Variants in MYO3A observed in about 807,000 individuals in gnomAD.
The protein encoded by MYO3A is myosin IIIA.
Under a neutral mutation model 192.7 loss-of-function variants are expected in MYO3A, and 180 were observed. The observed-to-expected ratio is 0.93, with a 90% confidence interval of 0.83 to 1.06. The LOEUF (loss-of-function observed/expected upper bound fraction) is 1.06. Ranked by LOEUF, MYO3A falls within the 50% of genes least tolerant of loss-of-function variation. The probability of loss-of-function intolerance (pLI) is 0.00; values close to 1 mark genes in which losing one functional copy is unlikely to be tolerated. For synonymous variants in MYO3A, 628 were observed against 645.3 expected (o/e 0.97, Z 0.41); for missense variants, 1,896 against 1,905.0 (o/e 1.00, Z 0.09).
intron 4 of MYO3A, among the ~76,000 whole-genome samples, chr10:25,987,503 A>G (rs1839726725): frequency 6.6e-6 from 1 of 152,204 alleles, no homozygotes; most frequent in Non-Finnish European, 1.5e-5. Flanking sequence ...AAGAACTCAA[A>G]CAAATCAGCA....
At chr10:26,134,206 T>G (rs1426153742) in intron 20 of MYO3A, among the ~76,000 whole-genome samples, 1 of 152,144 alleles carries the variant, frequency 6.6e-6, no homozygotes, top group Non-Finnish European at 1.5e-5. Context: ...TTTAGTAAAA[T>G]GGATGTAAAA....
chr10:26,008,712 A>G (rs937493989), intron 6 of MYO3A, among the ~76,000 whole-genome samples: 1 of 145,306 alleles, frequency 6.9e-6, no homozygotes, highest in Non-Finnish European at 1.5e-5. Flanking sequence ...GGCAATTGTT[A>G]AAAAGTCAGG....
intron 10 of MYO3A, among the ~76,000 whole-genome samples, chr10:26,050,721 G>A (rs1021193478): frequency 2.0e-5 from 3 of 152,142 alleles, no homozygotes; most frequent in African/African-American, 7.2e-5. Context: ...CATTTACAGC[G>A]TAAACACGCA....
intron 11 of MYO3A, among the ~76,000 whole-genome samples, chr10:26,067,745 T>G (rs1193917290): frequency 1.3e-5 from 2 of 152,210 alleles, no homozygotes; most frequent in African/African-American, 4.8e-5. Flanking sequence ...CCCCTCACCC[T>G]TCTTTGTTCC....
At chr10:26,176,632 C>A (rs1434505199) in intron 30 of MYO3A, 69 bp from the exon 31 acceptor site, 2 of 1,434,660 alleles carry the variant, frequency 1.4e-6, no homozygotes, top group African/African-American at 2.8e-5. Context: ...CGTTTCCCAG[C>A]CCCCGGTGCC....
intron 17 of MYO3A, among the ~76,000 whole-genome samples, chr10:26,117,348 G>T (rs916770220): frequency 7.2e-5 from 11 of 152,118 alleles, no homozygotes. Context: ...TAAGTTCAGG[G>T]TACATGTGCA....
intron 26 of MYO3A, chr10:26,165,730 CT>C: frequency 2.8e-6 from 1 of 353,048 alleles, no homozygotes; most frequent in Admixed American, 4.4e-5. Flanking sequence ...CAGTCCTGCA[CT>C]TTTTAGTGTC....
intron 18 of MYO3A, among the ~76,000 whole-genome samples, chr10:26,121,727 G>C (rs1238693977): frequency 6.6e-6 from 1 of 152,190 alleles, no homozygotes; most frequent in African/African-American, 2.4e-5. Context: ...CTCCAGCCTG[G>C]ACGACGGAGC....
Position 26,036,024 on chromosome 10 carries a change from C to T in MYO3A, c.953+9492C>T, listed in dbSNP as rs543277762. On this transcript the variant is annotated intron_variant, in intron 10 of 34. Transcript: ENST00000642920. ...TCTTGGCTCACTGCAAGTTCTGCCT[C>T]CCGGGTTCACACCATTCTCCTGCCT... Among the ~76,000 whole-genome samples the T allele has an allele frequency of 3.9e-5, 6 of 152,068 alleles. No individual in the cohort carries two copies. The East Asian group carries it at 1.2e-3, about 29-fold the overall frequency.
At position 26,212,087 on chromosome 10, in the gene MYO3A, G is replaced by C. The variant is rs1589132470; in HGVS notation, c.*124G>C. The stretch of plus-strand genomic sequence containing the variant: ...AGCTGCGGCCCTGATCTCCGCAGAG[G>C]CTGCCTGCTGCGCTCGGCCCTCAAG... On this transcript the variant is annotated 3_prime_UTR_variant, in exon 35 of 35. Transcript: ENST00000642920. 8.0e-6 allele frequency: 11 copies of C among 1,368,320 alleles called. No homozygotes were observed. The highest frequency in any genetic ancestry group is 1.1e-5 in the Non-Finnish European group (11 of 1,025,490). The allele number at this position is 1,368,320 out of a possible 1,614,324, so 84.8% of individuals were successfully genotyped here.
chr10:25,943,382 A>C (rs1306070447), intron 2 of MYO3A, among the ~76,000 whole-genome samples: 4 of 151,998 alleles, frequency 2.6e-5, no homozygotes, highest in African/African-American at 9.7e-5. Context: ...ATTCCATATG[A>C]GTTTTAGGAT....
In MYO3A at chr10:25,952,027, A is replaced by G. The variant is rs530822999; in HGVS notation, c.-17-67A>G. On this transcript the variant is annotated intron_variant, in intron 2 of 34. Transcript: ENST00000642920. ...CAGTGAAAATATTCGCTAATTTCCC[A>G]TGGGTTTGTGTGTGCCATTTGATAT... 160 of 1,209,218 alleles carry G rather than the reference A, an allele frequency of 1.3e-4. No individual in the cohort carries two copies. The South Asian group carries it at 1.8e-3, about 14-fold the overall frequency. The allele number at this position is 1,209,218 out of a possible 1,614,324, so 74.9% of individuals were successfully genotyped here.
At chr10:26,081,185 G>A (rs1049683132) in intron 14 of MYO3A, among the ~76,000 whole-genome samples, 2 of 144,036 alleles carry the variant, frequency 1.4e-5, no homozygotes, top group Non-Finnish European at 3.0e-5. Flanking sequence ...ACCGTCAGGC[G>A]GGGGCAGGGC....
intron 23 of MYO3A, among the ~76,000 whole-genome samples, chr10:26,149,245 T>G (rs959672049): frequency 2.0e-5 from 3 of 151,842 alleles, no homozygotes; most frequent in Non-Finnish European, 4.4e-5. Context: ...GTTTTTCATG[T>G]TTTTTTTGAG....
At chr10:26,053,588 G>T (rs1844134627) in intron 10 of MYO3A, among the ~76,000 whole-genome samples, 1 of 152,198 alleles carries the variant, frequency 6.6e-6, no homozygotes, top group Non-Finnish European at 1.5e-5. Flanking sequence ...CACTTTGGGA[G>T]GCCATGGAGG....
chr10:26,000,644 A>G (rs1005777337), intron 6 of MYO3A, among the ~76,000 whole-genome samples: 5 of 148,646 alleles, frequency 3.4e-5, no homozygotes, highest in African/African-American at 1.2e-4. Flanking sequence ...TTGTGGAAAG[A>G]TCAAACAGGG....
At chr10:26,019,474 G>A (rs552151163) in intron 7 of MYO3A, among the ~76,000 whole-genome samples, 2 of 152,108 alleles carry the variant, frequency 1.3e-5, no homozygotes, top group African/African-American at 2.4e-5. Context: ...CTGCCACCAC[G>A]CCTGGCTAAT....
At position 26,193,293 on chromosome 10, in the gene MYO3A, A is replaced by G. The variant is rs754558968; in HGVS notation, c.4527A>G (p.Thr1509=). The G allele has an allele frequency of 2.9e-5, 47 of 1,612,806 alleles. No individual in the cohort carries two copies. The highest frequency in any genetic ancestry group is 3.4e-5 in the Non-Finnish European group (40 of 1,179,010). Reference sequence around the variant, plus strand: ...CATTAAATAACCCTGAAGACTCCACATACTATTATCTACTTCATGTAAGTG... The same window carrying G: ...CATTAAATAACCCTGAAGACTCCACGTACTATTATCTACTTCATGTAAGTG... ...PKTLNNPEDS[T]YYYLLHKSIQ... Residue 1509 remains threonine, a synonymous_variant, in exon 32 of 35, where the codon ACA becomes ACG. Transcript: ENST00000642920.
chr10:26,006,044 C>T (rs911937106), intron 6 of MYO3A, among the ~76,000 whole-genome samples: 5 of 151,904 alleles, frequency 3.3e-5, no homozygotes, highest in African/African-American at 7.2e-5. Context: ...TTTTCAAAGT[C>T]GAATTAAGCT....
Sources: allele counts gnomAD v4.1 joint callset (sites outside exome capture counted in the v4.1 genomes callset), GRCh38; gene constraint gnomAD v4.1.1; transcripts MANE v1.5; gene names NCBI Gene and HGNC (gene_info 2026-07-23, HGNC 2026-07-21).